The following NEB variants were observed in gnomAD, a reference collection of about 807,000 sequenced individuals.
NEB encodes the protein nebulin, also known as nemaline myopathy type 2.
NEB carries 512 observed loss-of-function variants against 952.2 expected under a neutral mutation model. The ratio of observed to expected loss-of-function variants is 0.54; its 90% CI spans 0.50 to 0.58. NEB has a LOEUF of 0.58. Ranked by LOEUF, NEB falls within the 20% of genes least tolerant of loss-of-function variation. The pLI is 0.00. For synonymous variants in NEB, 2,900 were observed against 3,149.8 expected, an observed-to-expected ratio of 0.92 and a Z score of 2.66; for missense variants, 8,428 against 9,231.1, an observed-to-expected ratio of 0.91 and a Z score of 3.56.
At position 151,562,661 on chromosome 2, in the gene NEB, C is replaced by A; in HGVS notation, c.18841G>T (p.Glu6281Ter). The A allele has an allele frequency of 6.3e-7, 1 of 1,598,228 alleles. No individual in the cohort carries two copies. Among genetic ancestry groups the A allele is most frequent in the Non-Finnish European group, 8.6e-7 (1 of 1,167,942 alleles). Reference protein sequence around the residue: ...HYFHQWTSLLEEPNVIRVRNA... With the variant: ...HYFHQWTSLL ...CGGACGCGTATAACATTGGGTTCTT[C>A]CAGAAGAGACGTCCACTGGTGGAAA... The change falls in exon 120 of 182, where the codon GAA becomes TAA. Residue 6281 changes from glutamate to a stop codon, truncating the protein, a stop_gained. Coordinates refer to ENST00000397345, the MANE Select transcript of NEB (RefSeq NM_001164508.2). LOFTEE classifies it high-confidence loss of function.
Position 151,659,088 on chromosome 2 carries a change from C to A in NEB, c.6052G>T (p.Ala2018Ser). 1 of 1,610,474 alleles carries A rather than the reference C, an allele frequency of 6.2e-7. No homozygotes were observed. The highest frequency in any genetic ancestry group is 1.3e-5 in the African/African-American group (1 of 74,892). Residue 2018 changes from alanine to serine, a missense_variant, in exon 47 of 182, where the codon GCA (alanine) becomes TCA (serine). Physicochemically the swap from Ala to Ser is moderately conservative, Grantham distance 99 (BLOSUM62 1). Transcript: ENST00000397345. ...ACATCACTCATATTAATTGCATTTG[C>A]CTTTGCCAAAATAATCTGGGGGATA... ...PDIPQIILAK[A>S]NAINMSDKLY...
At chr2:151,697,809 G>C (rs1286343562) in intron 13 of NEB, among the ~76,000 whole-genome samples, 161 bp from the exon 14 acceptor site, 1 of 152,256 alleles carries the variant, frequency 6.6e-6, no homozygotes, top group Non-Finnish European at 1.5e-5. Flanking sequence ...GCTCACGCCT[G>C]TAATCCCAGC....
chr2:151,642,459 TAA>T, intron 60 of NEB, 113 bp downstream of exon 60: 1 of 854,854 alleles, frequency 1.2e-6, no homozygotes, highest in Non-Finnish European at 1.8e-6. Flanking sequence ...ATCGAAACAA[TAA>T]ACTGTTAGCA....
chr2:151,684,425 A>G (rs1346917858), intron 28 of NEB, among the ~76,000 whole-genome samples: 1 of 152,192 alleles, frequency 6.6e-6, no homozygotes, highest in Non-Finnish European at 1.5e-5. Context: ...AATAGCGATG[A>G]TAAATACTGA....
Position 151,576,249 on chromosome 2 carries a change from T to A in NEB, c.16810A>T (p.Ser5604Cys). ...VKNAQNIFCD[S>C]VYRTPVVNLK... is the part of the protein sequence containing the mutation. ...TTCACCACAGGCGTCCGATAGACAC[T>A]GTCACAAAAGATATTCTGGGCGTTT... Residue 5604 changes from serine to cysteine, a missense_variant, in exon 106 of 182, where the codon AGT becomes TGT. Physicochemically the swap from Ser to Cys is moderately radical, Grantham distance 112. Transcript: ENST00000397345. The A allele has an allele frequency of 6.2e-7, 1 of 1,611,382 alleles. No individual in the cohort carries two copies. The highest frequency in any genetic ancestry group is 8.5e-7 in the Non-Finnish European group (1 of 1,178,144).
rs777788319 is a variant in NEB, at chr2:151,643,399, CAATTTGTCAT to C, written c.7957-56_7957-47del. ...TTTGTCATAATTAAATCATTTATCA[CAATTTGTCAT>C]AATTTGTCATAATTAAATCATTTGC... is the stretch of plus-strand genomic sequence containing the variant. On this transcript the variant is annotated intron_variant, in intron 57 of 181. Transcript: ENST00000397345. 6 of 1,490,164 alleles carry C rather than the reference CAATTTGTCAT, an allele frequency of 4.0e-6. No homozygotes were observed. The East Asian group carries it at 6.9e-5, about 17-fold the overall frequency. 92.3% of individuals were successfully genotyped at this position (1,490,164 alleles called of 1,614,324 possible).
intron 54 of NEB, among the ~76,000 whole-genome samples, chr2:151,649,788 G>T (rs955123983): frequency 2.0e-5 from 3 of 152,108 alleles, no homozygotes; most frequent in African/African-American, 7.2e-5. Context: ...ATAATCATTT[G>T]TCAGGAAATA....
At position 151,492,723 on chromosome 2, in the gene NEB, A is replaced by G. The variant is rs999848376; in HGVS notation, c.24766-229T>C. 5.4e-5 allele frequency: 19 copies of G among 354,898 alleles called. 1 individual carries two copies. The highest frequency in any genetic ancestry group is 4.0e-4 in the African/African-American group (19 of 47,712). The allele number at this position is 354,898 out of a possible 1,614,324, so 22.0% of individuals were successfully genotyped here. A position where few individuals can be genotyped will look rare whatever the true frequency, so the allele number is the denominator to read the frequency against. On this transcript the variant is annotated intron_variant, in intron 176 of 181. Coordinates refer to ENST00000397345, the MANE Select transcript of NEB (RefSeq NM_001164508.2). Reference sequence around the variant, plus strand: ...CTTCGAAAATGAAACTCATTTTCAAAGAAGGGGCACGGTATAATTTTGAAA... The same window carrying G: ...CTTCGAAAATGAAACTCATTTTCAAGGAAGGGGCACGGTATAATTTTGAAA...
In NEB at chr2:151,729,670, ACAAAGGCATTGGCAAGAGAAC is replaced by A; in HGVS notation, c.37-35_37-15del. 1 of 1,613,280 alleles carries A rather than the reference ACAAAGGCATTGGCAAGAGAAC, an allele frequency of 6.2e-7. No homozygotes were observed. Among genetic ancestry groups the A allele is most frequent in the South Asian group, 1.1e-5 (1 of 91,076 alleles). On this transcript the variant is annotated splice_polypyrimidine_tract_variant and intron_variant, in intron 3 of 181. Coordinates refer to ENST00000397345, the MANE Select transcript of NEB (RefSeq NM_001164508.2). The stretch of plus-strand genomic sequence containing the variant: ...TTCTGTGTAGTACTGTAAATAGAGC[ACAAAGGCATTGGCAAGAGAAC>A]CAAAGCAGAAACCACCTCTCCTCTG...
At position 151,687,541 on chromosome 2, in the gene NEB, A is replaced by G. The variant is rs1451489406; in HGVS notation, c.2524-9T>C. ...TCTTTCTTGTACATCACCTGCAAAG[A>G]CATCACACATGCCAGATCCCACTCA... is the stretch of plus-strand genomic sequence containing the variant. On this transcript the variant is annotated splice_polypyrimidine_tract_variant and intron_variant, in intron 26 of 181. Transcript: ENST00000397345. 3 of 1,612,978 alleles carry G rather than the reference A, an allele frequency of 1.9e-6. No homozygotes were observed. The highest frequency in any genetic ancestry group is 2.5e-6 in the Non-Finnish European group (3 of 1,178,998).
At chr2:151,550,445 C>T (rs564138223) in intron 129 of NEB, among the ~76,000 whole-genome samples, 27 of 152,078 alleles carry the variant, frequency 1.8e-4, no homozygotes, top group Non-Finnish European at 3.2e-4. Flanking sequence ...AAGATATAGC[C>T]AGGCACATGT....
intron 141 of NEB, 121 bp from the exon 142 acceptor site, chr2:151,535,916 T>A: frequency 1.6e-6 from 1 of 609,974 alleles, no homozygotes; most frequent in Non-Finnish European, 2.8e-6. Context: ...CATATTCGTT[T>A]GTTTGTTTTG....
intron 77 of NEB, 107 bp downstream of exon 77, chr2:151,614,169 C>A: frequency 7.9e-7 from 1 of 1,272,400 alleles, no homozygotes; most frequent in Non-Finnish European, 1.1e-6. Context: ...AGAACATTAT[C>A]CTAAAGAGGT....
In NEB at chr2:151,680,765, C is replaced by G. The variant is rs149471462; in HGVS notation, c.3007G>C (p.Val1003Leu). ...TGGGCCTGGTTAATTTTAGACTGTA[C>G]TGTAATTGGAGCATCTTCAATCGAG... ...FTSIEDAPITVQSKINQAQRS... is the reference protein window; with the variant it reads ...FTSIEDAPITLQSKINQAQRS... The change falls in exon 30 of 182, where the codon GTA (valine) becomes CTA (leucine). Residue 1003 changes from valine (V) to leucine (L), a missense_variant. Physicochemically the swap from Val to Leu is conservative, Grantham distance 32. Around this residue, in one of 11 missense-constraint regions of NEB, gnomAD observed 2,851 missense variants for 2,791.5 expected, o/e 1.02. Coordinates refer to ENST00000397345, the MANE Select transcript of NEB (RefSeq NM_001164508.2). The G allele has an allele frequency of 5.3e-5, 85 of 1,612,822 alleles. No individual in the cohort carries two copies. In the African/African-American group the frequency reaches 1.1e-3, roughly 21 times the overall value.
chr2:151,575,623 C>T, intron 107 of NEB, 72 bp downstream of exon 107: 1 of 1,064,464 alleles, frequency 9.4e-7, no homozygotes. Context: ...ATCTTCCCTC[C>T]CTTCCATGCT....
At chr2:151,563,493 C>G (rs1001864020) in intron 119 of NEB, 113 bp downstream of exon 119, 203 of 889,404 alleles carry the variant, frequency 2.3e-4, no homozygotes, top group Non-Finnish European at 3.4e-4. Context: ...AGGAAGGACC[C>G]TACGCTACTC....
chr2:151,518,270 C>T (rs780322139), intron 156 of NEB, 48 bp downstream of exon 156: 2 of 1,317,614 alleles, frequency 1.5e-6, no homozygotes, highest in East Asian at 4.6e-5. Flanking sequence ...TCACATTGTA[C>T]TGTGGATGAA....
intron 10 of NEB, among the ~76,000 whole-genome samples, chr2:151,712,303 T>C (rs2099747493): frequency 6.6e-6 from 1 of 152,192 alleles, no homozygotes; most frequent in Non-Finnish European, 1.5e-5. Context: ...ATATTCTTAA[T>C]GAGGTCTAAA....
Position 151,650,216 on chromosome 2 carries a change from T to G in NEB, c.7391A>C (p.Asp2464Ala), listed in dbSNP as rs2099016079. The G allele has an allele frequency of 1.9e-6, 3 of 1,613,844 alleles. No individual in the cohort carries two copies. The highest frequency in any genetic ancestry group is 2.5e-6 in the Non-Finnish European group (3 of 1,179,872). Reference protein sequence around the residue: ...NKFTSIPDAMDIVLAKTNAKN... With the variant: ...NKFTSIPDAMAIVLAKTNAKN... The stretch of plus-strand genomic sequence containing the variant: ...GGCATTTGTCTTTGCCAGAACTATA[T>G]CCATGGCATCAGGAATGCTGGTGAA... Residue 2464 changes from aspartate to alanine, a missense_variant, in exon 54 of 182, where the codon GAT (aspartate) becomes GCT (alanine). Physicochemically the swap from Asp to Ala is moderately radical, Grantham distance 126. This residue lies in a region of NEB where 1,772 missense variants were observed against 1,960.3 expected (regional missense o/e 0.90). Transcript: ENST00000397345.
Sources: allele counts gnomAD v4.1 joint callset (sites outside exome capture counted in the v4.1 genomes callset), GRCh38; gene constraint gnomAD v4.1.1; regional missense constraint gnomAD v4.1.1; transcripts MANE v1.5; gene names NCBI Gene and HGNC (gene_info 2026-07-23, HGNC 2026-07-21).